Variants in KLC1 observed in about 807,000 individuals in gnomAD.
KLC1 encodes kinesin light chain 1, also known as kinesin 2 60/70kDa.
In KLC1, 30 loss-of-function variants were observed where a neutral mutation model predicts 84.2. The observed-to-expected ratio is 0.36, with a 90% CI of 0.27 to 0.48. The LOEUF is 0.48. Ranked by LOEUF, KLC1 falls within the 20% of genes least tolerant of loss-of-function variation. KLC1 has a pLI of 0.99. For synonymous variants in KLC1, 289 were observed against 293.3 expected (o/e 0.99, Z 0.15); for missense variants, 499 against 805.4 (o/e 0.62, Z 4.60).
rs2080594640 is a variant in KLC1 at position 103,673,526 on chromosome 14, C to T, written c.1261+95C>T. 3 of 765,858 alleles carry T rather than the reference C, an allele frequency of 3.9e-6. No individual in the cohort carries two copies. In the South Asian group the frequency reaches 6.0e-5, roughly 15 times the overall value. The allele number at this position is 765,858 out of a possible 1,614,324, so 47.4% of individuals were successfully genotyped here. ...AGTATTAGTTACTGTTTATTAAGCA[C>T]TTAACTTTGTACATCACTAAGCTAA... On this transcript the variant is annotated intron_variant, in intron 9 of 16. Transcript: ENST00000334553.
At position 103,667,854 on chromosome 14, in the gene KLC1, T is replaced by C. The variant is rs538797886; in HGVS notation, c.798-1657T>C. 6.6e-5 allele frequency among the ~76,000 whole-genome samples: 10 copies of C among 152,340 alleles called. 1 individual carries two copies. The highest frequency in any genetic ancestry group is 1.3e-4 in the Admixed American group (2 of 15,292). ...TACTACTACTCAATTGAGAAAGATG[T>C]GTGCTAAGTCTCAAAAGCAAGTACT... On this transcript the variant is annotated intron_variant, in intron 5 of 16. Transcript: ENST00000334553.
rs564557664 is a variant in KLC1 at position 103,697,328 on chromosome 14, C to T, written c.1849-3327C>T. On this transcript the variant is annotated intron_variant, in intron 15 of 16. Coordinates refer to ENST00000334553, the MANE Select transcript of KLC1 (RefSeq NM_001394837.1). Reference sequence around the variant, plus strand: ...AAACGGCAAACAGAAAAATTCTGCACAGTATGGCCCCAGCCCTTACCTTTC... The same window carrying T: ...AAACGGCAAACAGAAAAATTCTGCATAGTATGGCCCCAGCCCTTACCTTTC... Among the ~76,000 whole-genome samples the T allele has an allele frequency of 7.9e-5, 12 of 152,324 alleles. No homozygotes were observed. In the South Asian group the frequency reaches 2.5e-3, roughly 32 times the overall value.
intron 14 of KLC1, among the ~76,000 whole-genome samples, chr14:103,689,902 C>T (rs74085260): frequency 8.1e-4 from 123 of 152,200 alleles, no homozygotes; most frequent in Middle Eastern, 3.4e-3. Flanking sequence ...TAATGGCGGC[C>T]GGTGCAGTGG....
chr14:103,635,383 C>G (rs749479172), intron 1 of KLC1, among the ~76,000 whole-genome samples: 3 of 152,030 alleles, frequency 2.0e-5, no homozygotes, highest in Non-Finnish European at 2.9e-5. Context: ...TCAGTTACTC[C>G]GAAGGCTGAG....
chr14:103,658,428 G>GTTTTTTTTTT (rs536826342), intron 3 of KLC1, among the ~76,000 whole-genome samples: 1 of 91,232 alleles, frequency 1.1e-5, no homozygotes, highest in African/African-American at 4.9e-5. Flanking sequence ...GCCCAGCTAA[G>GTTTTTTTTTT]TTTTTTTTTT....
At chr14:103,691,990 G>C (rs1199061604) in intron 14 of KLC1, among the ~76,000 whole-genome samples, 1 of 152,172 alleles carries the variant, frequency 6.6e-6, no homozygotes, top group Non-Finnish European at 1.5e-5. Context: ...GGATGGTCTT[G>C]AACTCCTGGG....
intron 11 of KLC1, 79 bp downstream of exon 11, chr14:103,675,835 A>G: frequency 8.6e-7 from 1 of 1,162,158 alleles, no homozygotes; most frequent in South Asian, 1.3e-5. Context: ...CAGCTTATAA[A>G]TGACCAATGT....
chr14:103,682,514 A>C (rs554930763), intron 13 of KLC1: 1 of 151,972 alleles, frequency 6.6e-6, no homozygotes, highest in Non-Finnish European at 1.5e-5. Context: ...GGGAAACTCT[A>C]TCTCTACTAA....
intron 3 of KLC1, among the ~76,000 whole-genome samples, chr14:103,657,990 T>G (rs1399285520): frequency 6.6e-6 from 1 of 152,242 alleles, no homozygotes; most frequent in East Asian, 1.9e-4. Context: ...CTGCCCCAGC[T>G]TAGGCTCTGG....
chr14:103,700,563 C>A, intron 15 of KLC1, 92 bp from the exon 16 acceptor site: 1 of 1,032,522 alleles, frequency 9.7e-7, no homozygotes, highest in Non-Finnish European at 1.5e-6. Flanking sequence ...CCAAGGTCTG[C>A]AGCCACACGC....
intron 12 of KLC1, among the ~76,000 whole-genome samples, chr14:103,678,351 C>A (rs1295118694): frequency 6.6e-6 from 1 of 152,098 alleles, no homozygotes; most frequent in Non-Finnish European, 1.5e-5. Context: ...TTGGATTCAC[C>A]AAAGTTAAAA....
At chr14:103,637,790 T>C (rs2077163470) in intron 1 of KLC1, among the ~76,000 whole-genome samples, 1 of 152,086 alleles carries the variant, frequency 6.6e-6, no homozygotes, top group Admixed American at 6.6e-5. Flanking sequence ...CAGTGCAGCC[T>C]CGTGTTCAAG....
intron 1 of KLC1, among the ~76,000 whole-genome samples, chr14:103,647,993 C>G (rs1295696964): frequency 6.6e-6 from 1 of 151,400 alleles, no homozygotes; most frequent in Non-Finnish European, 1.5e-5. Flanking sequence ...GCTCTTTTGG[C>G]AGGCTGGAGT....
intron 15 of KLC1, chr14:103,695,754 G>C (rs2082417514): frequency 1.0e-6 from 1 of 985,346 alleles, no homozygotes; most frequent in Non-Finnish European, 1.2e-6. Flanking sequence ...TAGGGCCGAG[G>C]TGGCCTCTGC....
chr14:103,642,388 C>A (rs917233067), intron 1 of KLC1, among the ~76,000 whole-genome samples: 9 of 152,124 alleles, frequency 5.9e-5, no homozygotes, highest in Non-Finnish European at 1.3e-4. Flanking sequence ...ATTGCAATAA[C>A]CTTGATAGTT....
intron 15 of KLC1, chr14:103,698,938 G>T (rs1370563802): frequency 6.2e-7 from 1 of 1,600,584 alleles, no homozygotes; most frequent in Non-Finnish European, 8.5e-7. Flanking sequence ...TCCTCGCGGA[G>T]CCGGTCAGCC....
chr14:103,670,863 A>G (rs1479695207), intron 7 of KLC1, among the ~76,000 whole-genome samples: 1 of 151,878 alleles, frequency 6.6e-6, no homozygotes, highest in African/African-American at 2.4e-5. Context: ...TGGGAGGATC[A>G]CTTGAGCCTA....
In KLC1 at chr14:103,692,385, T is replaced by A. The variant is rs1480211847; in HGVS notation, c.1808T>A (p.Val603Asp). The A allele has an allele frequency of 6.5e-7, 1 of 1,536,600 alleles. No homozygotes were observed. The highest frequency in any genetic ancestry group is 2.0e-5 in the Admixed American group (1 of 50,978). ...ATGAAGCGTGCCAGCTCTCTGAATG[T>A]CCTTAACGTGGGTGGCAAGGCTGCT... ...PGMKRASSLN[V>D]LNVGGKAAED... The change falls in exon 15 of 17, where the codon GTC becomes GAC. Residue 603 changes from valine (V) to aspartate (D), a missense_variant. Coordinates refer to ENST00000334553, the MANE Select transcript of KLC1 (RefSeq NM_001394837.1).
At chr14:103,690,438 G>A (rs1359712472) in intron 14 of KLC1, among the ~76,000 whole-genome samples, 2 of 152,152 alleles carry the variant, frequency 1.3e-5, no homozygotes, top group Non-Finnish European at 2.9e-5. Flanking sequence ...GCAGTTGTTC[G>A]GCAGGGGCTG....
Sources: gnomAD v4.1 joint callset for allele counts (sites outside exome capture counted in the v4.1 genomes callset) on GRCh38, gnomAD v4.1.1 for gene constraint, MANE v1.5 for transcripts, NCBI Gene and HGNC (gene_info 2026-07-23, HGNC 2026-07-21) for gene names.